PCSK6: variants seen among roughly 807,000 people sequenced by gnomAD.
PCSK6 encodes paired basic amino acid cleaving enzyme 4.
Under a neutral mutation model 123.3 loss-of-function variants are expected in PCSK6, and 85 were observed. That is an observed-to-expected ratio of 0.69 (90% CI 0.58 to 0.83). The LOEUF is 0.83. PCSK6 is among the 40% of genes least tolerant of loss of function. The pLI, the probability that PCSK6 is intolerant of heterozygous loss-of-function variation, is 0.00. For synonymous variants in PCSK6, 508 were observed against 516.0 expected (o/e 0.98, Z 0.21); for missense variants, 1,191 against 1,282.3 (o/e 0.93, Z 1.09).
intron 1 of PCSK6, among the ~76,000 whole-genome samples, chr15:101,487,926 T>C (rs1245990991): frequency 1.3e-5 from 2 of 152,178 alleles, no homozygotes; most frequent in East Asian, 1.9e-4. Context: ...TGTATGTGTG[T>C]ATATGTGTAT....
At chr15:101,433,285 G>A (rs1270869905) in intron 2 of PCSK6, among the ~76,000 whole-genome samples, 7 of 152,236 alleles carry the variant, frequency 4.6e-5, no homozygotes, top group African/African-American at 1.4e-4. Flanking sequence ...AGTGCCTGGA[G>A]CACTCCTGCT....
intron 6 of PCSK6, among the ~76,000 whole-genome samples, chr15:101,407,341 C>A (rs2042809661): frequency 6.6e-6 from 1 of 152,182 alleles, no homozygotes; most frequent in South Asian, 2.1e-4. Context: ...TTGGTATCAT[C>A]CATCTTCTCC....
chr15:101,334,959 A>G (rs1012952486), intron 13 of PCSK6, among the ~76,000 whole-genome samples: 5 of 151,702 alleles, frequency 3.3e-5, no homozygotes, highest in African/African-American at 1.2e-4. Flanking sequence ...GTGTGTGTGT[A>G]TGTGTGTATG....
chr15:101,461,623 A>G (rs1330498726), intron 1 of PCSK6, among the ~76,000 whole-genome samples: 1 of 151,800 alleles, frequency 6.6e-6, no homozygotes, highest in Non-Finnish European at 1.5e-5. Context: ...AAATTCAGCA[A>G]CGAGGAAGAA....
chr15:101,433,962 A>G (rs1013072089), intron 2 of PCSK6, among the ~76,000 whole-genome samples: 2 of 152,328 alleles, frequency 1.3e-5, no homozygotes, highest in African/African-American at 4.8e-5. Context: ...AAACACTGCA[A>G]AGGGCTCAAA....
intron 7 of PCSK6, among the ~76,000 whole-genome samples, chr15:101,397,497 C>G (rs1218334569): frequency 6.6e-6 from 1 of 152,188 alleles, no homozygotes; most frequent in Non-Finnish European, 1.5e-5. Flanking sequence ...CACCCCCTCC[C>G]ATTCTCCCAT....
intron 1 of PCSK6, 120 bp downstream of exon 1, chr15:101,489,254 G>C: frequency 1.6e-6 from 1 of 607,286 alleles, no homozygotes; most frequent in Non-Finnish European, 2.0e-6. Context: ...AAGCGGTCCC[G>C]GAGCCTTCCC....
intron 16 of PCSK6, 92 bp downstream of exon 16, chr15:101,326,285 T>G: frequency 2.1e-6 from 2 of 963,030 alleles, no homozygotes; most frequent in Non-Finnish European, 3.2e-6. Context: ...GCTACGTTAC[T>G]TCCTAACTGG....
chr15:101,378,181 T>C (rs1468923055), intron 11 of PCSK6, among the ~76,000 whole-genome samples: 1 of 152,270 alleles, frequency 6.6e-6, no homozygotes, highest in Non-Finnish European at 1.5e-5. Context: ...ACTTTATCTT[T>C]CTATTTAATA....
chr15:101,337,904 C>G (rs776525461), intron 13 of PCSK6, among the ~76,000 whole-genome samples: 1 of 152,144 alleles, frequency 6.6e-6, no homozygotes, highest in Non-Finnish European at 1.5e-5. Flanking sequence ...TATGACAGAA[C>G]GTTTAGTCCA....
At chr15:101,333,822 G>A (rs1397155677) in intron 13 of PCSK6, among the ~76,000 whole-genome samples, 18 of 152,188 alleles carry the variant, frequency 1.2e-4, no homozygotes, top group Admixed American at 1.0e-3. Context: ...AAAGACAGGC[G>A]GGACTGGCCC....
chr15:101,478,441 C>T (rs2057787452), intron 1 of PCSK6, among the ~76,000 whole-genome samples: 2 of 152,188 alleles, frequency 1.3e-5, no homozygotes, highest in Admixed American at 1.3e-4. Context: ...AATAAACCTT[C>T]CACAGGACAG....
At chr15:101,381,757 G>T (rs1182655198) in intron 11 of PCSK6, among the ~76,000 whole-genome samples, 1 of 152,200 alleles carries the variant, frequency 6.6e-6, no homozygotes, top group African/African-American at 2.4e-5. Flanking sequence ...CACTTTCTGG[G>T]AGGAGCAGAT....
At chr15:101,313,635 T>C (rs760277560) in intron 19 of PCSK6, 130 bp from the exon 20 acceptor site, 215 of 1,378,266 alleles carry the variant, frequency 1.6e-4, no homozygotes, top group Non-Finnish European at 1.9e-4. Context: ...ACAGCTGCCA[T>C]TTCCCAGGTT....
intron 13 of PCSK6, among the ~76,000 whole-genome samples, chr15:101,342,812 G>A (rs899101319): frequency 1.3e-5 from 2 of 151,674 alleles, no homozygotes; most frequent in Non-Finnish European, 2.9e-5. Context: ...TAAGGCAGGA[G>A]AATCGTTTGA....
chr15:101,480,800 A>G (rs1416512543), intron 1 of PCSK6, among the ~76,000 whole-genome samples: 1 of 152,252 alleles, frequency 6.6e-6, no homozygotes, highest in African/African-American at 2.4e-5. Context: ...AGCATCACAA[A>G]GAGGGTGTCC....
chr15:101,397,969 G>C (rs1216454545), intron 7 of PCSK6, among the ~76,000 whole-genome samples: 1 of 152,234 alleles, frequency 6.6e-6, no homozygotes, highest in Non-Finnish European at 1.5e-5. Flanking sequence ...AGCGGGGCCT[G>C]GGTGAGCACA....
chr15:101,314,996 T>G (rs1261986201), intron 19 of PCSK6, among the ~76,000 whole-genome samples: 5 of 152,200 alleles, frequency 3.3e-5, no homozygotes, highest in African/African-American at 1.2e-4. Context: ...GTTTGGGAGC[T>G]GTTCAGGGCC....
intron 18 of PCSK6, among the ~76,000 whole-genome samples, chr15:101,322,306 G>T (rs138236452): frequency 1.3e-5 from 2 of 152,152 alleles, no homozygotes; most frequent in African/African-American, 4.8e-5. Flanking sequence ...TGCCCAATTC[G>T]CCCATGTTGT....
Sources: allele counts gnomAD v4.1 joint callset (sites outside exome capture counted in the v4.1 genomes callset), GRCh38; gene constraint gnomAD v4.1.1; transcripts MANE v1.5; gene names NCBI Gene and HGNC (gene_info 2026-07-23, HGNC 2026-07-21).